Variants in ADGRV1 observed in about 807,000 individuals in gnomAD.
The protein encoded by ADGRV1 is G-protein coupled receptor 98.
Under a neutral mutation model 596.2 loss-of-function variants are expected in ADGRV1, and 359 were observed. The ratio of observed to expected loss-of-function variants is 0.60; its 90% confidence interval spans 0.55 to 0.66. The LOEUF (loss-of-function observed/expected upper bound fraction) is 0.66. Among genes scored for constraint, ADGRV1 ranks in the 30% least tolerant of loss-of-function variants. The pLI, the probability that ADGRV1 is intolerant of heterozygous loss-of-function variation, is 0.00. For missense variants in ADGRV1, 7,274 were observed against 7,575.6 expected (o/e 0.96, Z 1.48); for synonymous variants, 2,681 against 2,679.2 (o/e 1.00, Z -0.02).
chr5:91,010,355 A>T (rs1347125724), intron 85 of ADGRV1, among the ~76,000 whole-genome samples: 1 of 152,124 alleles, frequency 6.6e-6, no homozygotes. Context: ...TCAACTATAC[A>T]CAAAGGCTAT....
At chr5:90,772,986 G>T (rs993913751) in intron 59 of ADGRV1, among the ~76,000 whole-genome samples, 2 of 152,026 alleles carry the variant, frequency 1.3e-5, no homozygotes, top group Non-Finnish European at 2.9e-5. Context: ...TGGCCAACAT[G>T]GCAAACCCCC....
At position 90,729,655 on chromosome 5, in the gene ADGRV1, A is replaced by T. The variant is rs781252270; in HGVS notation, c.10440A>T (p.Ser3480=). The change falls in exon 50 of 90, where the codon TCA becomes TCT. Residue 3480 remains serine (S), a synonymous_variant. Transcript: ENST00000405460. The part of the protein sequence containing the change: ...AENVFLGDQN[S]IDIFIWEMGQ... Reference sequence around the variant, plus strand: ...TCATTATTGCAGGAGATCAGAATTCAATTGATATTTTCATCTGGGAGATGG... The same window carrying T: ...TCATTATTGCAGGAGATCAGAATTCTATTGATATTTTCATCTGGGAGATGG... 2 of 1,605,308 alleles carry T rather than the reference A, an allele frequency of 1.2e-6. No homozygotes were observed. Among genetic ancestry groups the T allele is most frequent in the Non-Finnish European group, 1.7e-6 (2 of 1,173,278 alleles).
chr5:90,565,495 T>C (rs474800), intron 1 of ADGRV1, among the ~76,000 whole-genome samples: 45,864 of 152,166 alleles, frequency 0.3, 8,535 homozygotes, highest in Non-Finnish European at 0.42. Flanking sequence ...TCATCCATGT[T>C]GTACCATGTA....
chr5:91,118,572 C>G (rs1793047847), intron 87 of ADGRV1, among the ~76,000 whole-genome samples: 1 of 152,046 alleles, frequency 6.6e-6, no homozygotes, highest in Admixed American at 6.6e-5. Flanking sequence ...GAGCTCAGAG[C>G]AGCATGAAAG....
intron 21 of ADGRV1, among the ~76,000 whole-genome samples, chr5:90,668,754 T>C (rs11739958): frequency 0.062 from 9,488 of 152,290 alleles, 414 homozygotes; most frequent in Non-Finnish European, 0.088. Flanking sequence ...ATATAGCGTG[T>C]AACTGTACAT....
chr5:90,930,282 G>A (rs1775108989), intron 83 of ADGRV1, among the ~76,000 whole-genome samples: 1 of 152,144 alleles, frequency 6.6e-6, no homozygotes, highest in South Asian at 2.1e-4. Context: ...CTAACAAAAT[G>A]AATACGTTGC....
Position 90,563,518 on chromosome 5 carries a change from G to T in ADGRV1, c.22+4601G>T, listed in dbSNP as rs557610908. ...TAGTCATTATTGAAATGTGGCACAGGTTGAAAGACATACAATAGCTTCAAA... is the reference window on the plus strand; with the variant it reads ...TAGTCATTATTGAAATGTGGCACAGTTTGAAAGACATACAATAGCTTCAAA... On this transcript the variant is annotated intron_variant, in intron 1 of 89. Transcript: ENST00000405460. Among the ~76,000 whole-genome samples, 9 of 152,328 alleles carry T rather than the reference G, an allele frequency of 5.9e-5. No individual in the cohort carries two copies. In the East Asian group the frequency reaches 1.7e-3, roughly 29 times the overall value.
intron 71 of ADGRV1, among the ~76,000 whole-genome samples, chr5:90,804,082 C>T (rs1761671818): frequency 6.6e-6 from 1 of 152,146 alleles, no homozygotes; most frequent in African/African-American, 2.4e-5. Context: ...AATGATCTCA[C>T]TCAAAGCTTT....
intron 86 of ADGRV1, among the ~76,000 whole-genome samples, chr5:91,079,296 T>C (rs952601158): frequency 1.3e-5 from 2 of 152,228 alleles, no homozygotes; most frequent in Admixed American, 1.3e-4. Context: ...AAAAAATCTT[T>C]GTGAAGCACA....
intron 85 of ADGRV1, among the ~76,000 whole-genome samples, chr5:90,993,560 GA>G (rs1183674043): frequency 6.6e-6 from 1 of 152,112 alleles, no homozygotes; most frequent in Non-Finnish European, 1.5e-5. Flanking sequence ...TTTTTGGCTA[GA>G]ATGACACAGA....
intron 84 of ADGRV1, among the ~76,000 whole-genome samples, chr5:90,970,668 C>T (rs1346971015): frequency 6.6e-6 from 1 of 152,044 alleles, no homozygotes; most frequent in Non-Finnish European, 1.5e-5. Flanking sequence ...GGAAAACTGA[C>T]AAATAGAAAG....
chr5:90,716,625 G>A lies in ADGRV1; in HGVS notation c.9343G>A (p.Val3115Met). Residue 3115 changes from valine to methionine, a missense_variant, in exon 43 of 90, where the codon GTG becomes ATG. Val to Met is a conservative substitution (Grantham distance 21, BLOSUM62 1). Coordinates refer to ENST00000405460, the MANE Select transcript of ADGRV1 (RefSeq NM_032119.4). ...REPAQGLFGT[V>M]TVQFIVTEVN... ...ACCTGCACAAGGATTGTTTGGAACA[G>A]TGACAGTTCAGTTCATTGTGACAGA... 1.2e-6 allele frequency: 2 copies of A among 1,613,642 alleles called. No homozygotes were observed. Among genetic ancestry groups the A allele is most frequent in the Non-Finnish European group, 1.7e-6 (2 of 1,179,590 alleles).
chr5:90,832,421 G>A (rs1764600311), intron 77 of ADGRV1, among the ~76,000 whole-genome samples: 1 of 152,012 alleles, frequency 6.6e-6, no homozygotes, highest in Non-Finnish European at 1.5e-5. Flanking sequence ...TGTCTATTCA[G>A]ATCTTTTGCC....
intron 83 of ADGRV1, among the ~76,000 whole-genome samples, chr5:90,888,221 C>T (rs1770483804): frequency 6.6e-6 from 1 of 152,038 alleles, no homozygotes; most frequent in Admixed American, 6.6e-5. Context: ...TAATGTTTTC[C>T]CTCTAGAAGG....
chr5:90,583,045 A>C (rs1758273322), intron 1 of ADGRV1, among the ~76,000 whole-genome samples: 1 of 152,228 alleles, frequency 6.6e-6, no homozygotes, highest in African/African-American at 2.4e-5. Context: ...AGTATAAATA[A>C]TTGGAAACAA....
At chr5:90,919,581 A>G (rs1245768271) in intron 83 of ADGRV1, among the ~76,000 whole-genome samples, 10 of 152,246 alleles carry the variant, frequency 6.6e-5, no homozygotes, top group Non-Finnish European at 1.5e-4. Context: ...TACTATAATT[A>G]TTAAATGTAT....
chr5:90,697,873 C>T (rs1156799820), intron 34 of ADGRV1, among the ~76,000 whole-genome samples: 1 of 151,976 alleles, frequency 6.6e-6, no homozygotes, highest in East Asian at 1.9e-4. Flanking sequence ...AATAATTTTA[C>T]CTTGAATAGT....
chr5:90,682,910 G>A (rs888956181), intron 27 of ADGRV1, among the ~76,000 whole-genome samples: 1 of 152,016 alleles, frequency 6.6e-6, no homozygotes, highest in African/African-American at 2.4e-5. Flanking sequence ...TATGTTTTTT[G>A]ATGAGTTTGT....
chr5:90,644,389 C>G (rs1017898970), intron 14 of ADGRV1, among the ~76,000 whole-genome samples: 2 of 152,308 alleles, frequency 1.3e-5, no homozygotes, highest in Non-Finnish European at 1.5e-5. Flanking sequence ...CCTGTAACTG[C>G]TTTTAGCAGA....
Sources: gnomAD v4.1 joint callset for allele counts (sites outside exome capture counted in the v4.1 genomes callset) on GRCh38, gnomAD v4.1.1 for gene constraint, MANE v1.5 for transcripts, NCBI Gene and HGNC (gene_info 2026-07-23, HGNC 2026-07-21) for gene names.